Variants in RNF180 observed in about 807,000 individuals in gnomAD.
RNF180 encodes ring finger protein 180.
In RNF180, 38 loss-of-function variants were observed where a neutral mutation model predicts 59.2. The ratio of observed to expected loss-of-function variants is 0.64; its 90% CI spans 0.50 to 0.84. RNF180 has a LOEUF of 0.84. Among genes scored for constraint, RNF180 ranks in the 40% least tolerant of loss-of-function variants. The probability of loss-of-function intolerance (pLI) is 0.00; values close to 1 mark genes in which losing one functional copy is unlikely to be tolerated. For synonymous variants in RNF180, 262 were observed against 240.3 expected, an observed-to-expected ratio of 1.09 and a Z score of -0.84; for missense variants, 705 against 700.9, an observed-to-expected ratio of 1.01 and a Z score of -0.07.
intron 5 of RNF180, among the ~76,000 whole-genome samples, chr5:64,264,786 G>A (rs1227755506): frequency 6.6e-6 from 1 of 152,232 alleles, no homozygotes; most frequent in East Asian, 1.9e-4. Context: ...TTTGGTTCTA[G>A]ATCCTTGAGG....
At chr5:64,166,720 A>G (rs945451805) in intron 1 of RNF180, among the ~76,000 whole-genome samples, 3 of 152,164 alleles carry the variant, frequency 2.0e-5, no homozygotes, top group East Asian at 3.9e-4. Context: ...TCGGGTTACT[A>G]TTATCCCATT....
At chr5:64,238,802 T>C (rs1742605689) in intron 5 of RNF180, among the ~76,000 whole-genome samples, 1 of 152,182 alleles carries the variant, frequency 6.6e-6, no homozygotes, top group African/African-American at 2.4e-5. Flanking sequence ...ACGCTGTTGA[T>C]TGTTTTCTTT....
At chr5:64,201,479 A>G (rs2112059091) in intron 2 of RNF180, among the ~76,000 whole-genome samples, 1 of 152,342 alleles carries the variant, frequency 6.6e-6, no homozygotes, top group Middle Eastern at 3.4e-3. Flanking sequence ...TTTCTTCTCT[A>G]AGAGCAGTAT....
intron 5 of RNF180, among the ~76,000 whole-genome samples, chr5:64,301,886 G>A (rs915413062): frequency 2.0e-5 from 3 of 151,546 alleles, no homozygotes; most frequent in Non-Finnish European, 3.0e-5. Flanking sequence ...AAGGTTAATA[G>A]GGCAGCAAAG....
intron 5 of RNF180, among the ~76,000 whole-genome samples, chr5:64,266,563 A>C (rs939555593): frequency 6.6e-6 from 1 of 152,156 alleles, no homozygotes; most frequent in African/African-American, 2.4e-5. Context: ...GATATTGCTC[A>C]CTCAAGATAA....
chr5:64,268,624 T>G (rs1421808727), intron 5 of RNF180, among the ~76,000 whole-genome samples: 1 of 152,178 alleles, frequency 6.6e-6, no homozygotes, highest in East Asian at 1.9e-4. Flanking sequence ...CAAAGTAAGA[T>G]TTTGAATCTT....
At chr5:64,248,818 A>G (rs1377470913) in intron 5 of RNF180, among the ~76,000 whole-genome samples, 1 of 152,228 alleles carries the variant, frequency 6.6e-6, no homozygotes, top group East Asian at 1.9e-4. Context: ...GTTTATTTGC[A>G]GCACTATTCA....
chr5:64,180,671 A>T (rs1471630796), intron 1 of RNF180, among the ~76,000 whole-genome samples: 3 of 152,170 alleles, frequency 2.0e-5, no homozygotes, highest in Non-Finnish European at 4.4e-5. Context: ...TTGCCTCAAG[A>T]TATAAACAAC....
chr5:64,276,890 C>T (rs2112373442), intron 5 of RNF180, among the ~76,000 whole-genome samples: 1 of 152,034 alleles, frequency 6.6e-6, no homozygotes, highest in South Asian at 2.1e-4. Context: ...TGGTTCAGGC[C>T]CTTGATATCC....
intron 5 of RNF180, among the ~76,000 whole-genome samples, chr5:64,255,143 A>T (rs1265791563): frequency 6.6e-6 from 1 of 152,132 alleles, no homozygotes; most frequent in African/African-American, 2.4e-5. Flanking sequence ...AAATGTTGAC[A>T]TTGGTTAAAG....
chr5:64,223,813 A>G (rs1350028493), intron 5 of RNF180, among the ~76,000 whole-genome samples: 1 of 152,158 alleles, frequency 6.6e-6, no homozygotes, highest in East Asian at 1.9e-4. Context: ...AGTATTGAGG[A>G]TACAACAATG....
rs1707093995 is a variant in RNF180 at position 64,287,675 on chromosome 5, G to A, written c.1228-37511G>A. 2.0e-5 allele frequency among the ~76,000 whole-genome samples: 3 copies of A among 152,134 alleles called. No homozygotes were observed. In the South Asian group the frequency reaches 6.2e-4, roughly 32 times the overall value. On this transcript the variant is annotated intron_variant, in intron 5 of 7. Transcript: ENST00000389100. ...TTTTGATTTATATTTTTCTAACAGT[G>A]ACGTTGAGCTTTTTTTCATATGTTT...
At chr5:64,267,300 G>A (rs552805905) in intron 5 of RNF180, among the ~76,000 whole-genome samples, 79 of 151,986 alleles carry the variant, frequency 5.2e-4, no homozygotes, top group African/African-American at 1.8e-3. Context: ...GCTTAAGAAA[G>A]TAATTACACT....
intron 7 of RNF180, among the ~76,000 whole-genome samples, chr5:64,358,692 C>G (rs1746122580): frequency 6.6e-6 from 1 of 151,442 alleles, no homozygotes; most frequent in South Asian, 2.1e-4. Context: ...GCACATTGTG[C>G]AGGTTAGTTA....
chr5:64,301,966 CTT>C (rs1743183388), intron 5 of RNF180, among the ~76,000 whole-genome samples: 1 of 151,578 alleles, frequency 6.6e-6, no homozygotes. Flanking sequence ...CATATACACT[CTT>C]AATATGTTTT....
chr5:64,254,673 T>G (rs1262662710), intron 5 of RNF180, among the ~76,000 whole-genome samples: 1 of 152,182 alleles, frequency 6.6e-6, no homozygotes, highest in Non-Finnish European at 1.5e-5. Context: ...ATAATCTTTT[T>G]ATTTGGATAT....
intron 6 of RNF180, among the ~76,000 whole-genome samples, chr5:64,326,764 G>A (rs986696807): frequency 2.0e-5 from 3 of 152,104 alleles, no homozygotes; most frequent in African/African-American, 7.2e-5. Context: ...AGGGCTATTG[G>A]ACTGAAAACT....
chr5:64,355,974 C>A (rs1361676487), intron 7 of RNF180, among the ~76,000 whole-genome samples: 1 of 151,552 alleles, frequency 6.6e-6, no homozygotes, highest in African/African-American at 2.4e-5. Context: ...GATATGACAT[C>A]AAAATCACAA....
At position 64,223,585 on chromosome 5, in the gene RNF180, AC is replaced by A. The variant is rs1741482526; in HGVS notation, c.1227+6191del. On this transcript the variant is annotated intron_variant, in intron 5 of 7. Transcript: ENST00000389100. ...TTAAATAACTTCCCTAGGCCTACAA[AC>A]CTAGTATGTGATAATAGACCTGTGT... Among the ~76,000 whole-genome samples the A allele has an allele frequency of 5.9e-5, 9 of 152,294 alleles. No homozygotes were observed. In the South Asian group the frequency reaches 1.9e-3, roughly 32 times the overall value.
Sources: gnomAD v4.1 joint callset for allele counts (sites outside exome capture counted in the v4.1 genomes callset) on GRCh38, gnomAD v4.1.1 for gene constraint, MANE v1.5 for transcripts, NCBI Gene and HGNC (gene_info 2026-07-23, HGNC 2026-07-21) for gene names.